The following VPS8 variants were observed in gnomAD, a reference collection of about 807,000 sequenced individuals.
VPS8 encodes VPS8 subunit of CORVET complex.
In VPS8, 129 loss-of-function variants were observed where a neutral mutation model predicts 216.4. The ratio of observed to expected loss-of-function variants is 0.60; its 90% CI spans 0.52 to 0.69. The LOEUF (loss-of-function observed/expected upper bound fraction) is 0.69, where lower values mean the gene tolerates loss of function less well. VPS8 is among the 30% of genes least tolerant of loss of function. VPS8 has a pLI of 0.00. For missense variants in VPS8, 1,531 were observed against 1,683.5 expected, an observed-to-expected ratio of 0.91 and a Z score of 1.59; for synonymous variants, 571 against 565.4, an observed-to-expected ratio of 1.01 and a Z score of -0.14.
intron 45 of VPS8, among the ~76,000 whole-genome samples, chr3:185,000,840 C>T (rs1272164446): frequency 9.2e-5 from 14 of 152,082 alleles, no homozygotes. Flanking sequence ...CTCCTGACCT[C>T]GTGATCTGCC....
At chr3:184,922,872 A>G (rs115674201) in intron 29 of VPS8, among the ~76,000 whole-genome samples, 6,465 of 152,192 alleles carry the variant, frequency 0.042, 184 homozygotes, top group Non-Finnish European at 0.063. Flanking sequence ...TAGGCTAAAG[A>G]GAAGAAATGG....
intron 29 of VPS8, among the ~76,000 whole-genome samples, chr3:184,922,720 TG>T (rs1738849950): frequency 6.6e-6 from 1 of 151,986 alleles, no homozygotes; most frequent in African/African-American, 2.4e-5. Flanking sequence ...AGGGATCCGG[TG>T]AGAGGAGGAG....
At chr3:184,913,673 C>T in intron 26 of VPS8, 112 bp downstream of exon 26, 1 of 847,652 alleles carries the variant, frequency 1.2e-6, no homozygotes, top group Non-Finnish European at 1.7e-6. Context: ...TTGCACAATT[C>T]TTTTATGTAG....
At position 184,839,641 on chromosome 3, in the gene VPS8, T is replaced by G. The variant is rs1026460264; in HGVS notation, c.481-57T>G. 186 of 1,518,018 alleles carry G rather than the reference T, an allele frequency of 1.2e-4. 4 individuals are homozygous for G. Among genetic ancestry groups the G allele is most frequent in the Middle Eastern group, 1.2e-3 (7 of 5,834 alleles). 94.0% of individuals were successfully genotyped at this position (1,518,018 alleles called of 1,614,324 possible). On this transcript the variant is annotated intron_variant, in intron 6 of 47. Coordinates refer to ENST00000625842, the MANE Select transcript of VPS8 (RefSeq NM_001009921.3). Reference sequence around the variant, plus strand: ...GGCAGGCCAACAAATTCAACTCTGATTATTTCAAGATTCTTAATGTAATGT... The same window carrying G: ...GGCAGGCCAACAAATTCAACTCTGAGTATTTCAAGATTCTTAATGTAATGT...
intron 22 of VPS8, among the ~76,000 whole-genome samples, chr3:184,891,147 A>G (rs1337729337): frequency 2.0e-5 from 3 of 152,174 alleles, no homozygotes; most frequent in Admixed American, 6.5e-5. Context: ...TGGGTGCTCT[A>G]TATGGATGAT....
At chr3:184,933,577 C>A (rs188117387) in intron 34 of VPS8, among the ~76,000 whole-genome samples, 3 of 151,650 alleles carry the variant, frequency 2.0e-5, no homozygotes, top group Admixed American at 6.6e-5. Flanking sequence ...ATCATTTCCC[C>A]CCCTCTTTAT....
chr3:184,860,238 G>A (rs1051100335), intron 15 of VPS8, among the ~76,000 whole-genome samples, 173 bp downstream of exon 15: 1 of 151,932 alleles, frequency 6.6e-6, no homozygotes, highest in South Asian at 2.1e-4. Context: ...TTGGGAGGCC[G>A]AGCTGGGATA....
At chr3:184,881,665 T>C (rs1336607793) in intron 21 of VPS8, among the ~76,000 whole-genome samples, 1 of 152,080 alleles carries the variant, frequency 6.6e-6, no homozygotes, top group Non-Finnish European at 1.5e-5. Context: ...ATCTCGTCTA[T>C]ATCTATGAAA....
intron 17 of VPS8, among the ~76,000 whole-genome samples, chr3:184,867,350 A>G (rs1727551648): frequency 6.6e-6 from 1 of 152,210 alleles, no homozygotes; most frequent in African/African-American, 2.4e-5. Flanking sequence ...GAATTGTTGG[A>G]ATAGGAACTT....
chr3:184,904,735 G>A (rs1303723163), intron 25 of VPS8, among the ~76,000 whole-genome samples: 1 of 152,174 alleles, frequency 6.6e-6, no homozygotes, highest in African/African-American at 2.4e-5. Flanking sequence ...GAGTTGGGAA[G>A]TATTCTCTCT....
chr3:184,958,285 A>C (rs1434274863), intron 37 of VPS8, among the ~76,000 whole-genome samples: 1 of 152,164 alleles, frequency 6.6e-6, no homozygotes, highest in African/African-American at 2.4e-5. Context: ...CAGTTTAGTT[A>C]AATAGTTGCA....
chr3:184,835,017 C>A, intron 5 of VPS8: 1 of 270,644 alleles, frequency 3.7e-6, no homozygotes, highest in Non-Finnish European at 6.8e-6. Flanking sequence ...TACTATTTGC[C>A]TTTTCTTTAA....
intron 34 of VPS8, among the ~76,000 whole-genome samples, chr3:184,933,805 T>A (rs1171560936): frequency 6.6e-6 from 1 of 152,184 alleles, no homozygotes; most frequent in Non-Finnish European, 1.5e-5. Flanking sequence ...GTAGTCTGTT[T>A]CTCTGGGCCT....
intron 15 of VPS8, among the ~76,000 whole-genome samples, chr3:184,862,012 G>C (rs1039080969): frequency 6.6e-5 from 10 of 152,264 alleles, no homozygotes; most frequent in Admixed American, 2.6e-4. Context: ...TCTTCCCTTA[G>C]AGTGGCTAAT....
At chr3:184,868,295 C>G in intron 18 of VPS8, 1 of 462,676 alleles carries the variant, frequency 2.2e-6, no homozygotes, top group Non-Finnish European at 3.8e-6. Context: ...TAAGATTTCT[C>G]TGTCATGTAA....
Position 184,894,839 on chromosome 3 carries a change from A to G in VPS8, c.1918A>G (p.Ile640Val). ...GITPQVMKDL[I>V]VHFQDKKLME... ...CACACCCCAAGTAATGAAAGACTTG[A>G]TTGTTCATTTCCAAGATAAAAAATT... The change falls in exon 23 of 48, where the codon ATT becomes GTT. Residue 640 changes from isoleucine to valine, a missense_variant. Ile to Val is a conservative substitution (Grantham distance 29, BLOSUM62 3). Around this residue, in one of 3 missense-constraint regions of VPS8, gnomAD observed 1,318 missense variants for 1,468.4 expected, o/e 0.90. Transcript: ENST00000625842. The G allele has an allele frequency of 6.2e-7, 1 of 1,610,590 alleles. No individual in the cohort carries two copies. Among genetic ancestry groups the G allele is most frequent in the Non-Finnish European group, 8.5e-7 (1 of 1,178,236 alleles).
chr3:184,957,548 A>T (rs1745821162), intron 37 of VPS8, 27 bp downstream of exon 37: 3 of 1,590,470 alleles, frequency 1.9e-6, no homozygotes, highest in Non-Finnish European at 2.6e-6. Flanking sequence ...AAAAGAGACA[A>T]GAGTAAACTC....
intron 36 of VPS8, among the ~76,000 whole-genome samples, chr3:184,954,414 C>T (rs1745229011): frequency 6.6e-6 from 1 of 152,132 alleles, no homozygotes. Context: ...ACTGAAAGTT[C>T]CAGCTCTCTA....
intron 37 of VPS8, among the ~76,000 whole-genome samples, chr3:184,963,221 C>T (rs971138819): frequency 6.6e-6 from 1 of 152,086 alleles, no homozygotes; most frequent in Non-Finnish European, 1.5e-5. Context: ...TTAAAAGATA[C>T]AAACTCTCTG....
Sources: gnomAD v4.1 joint callset for allele counts (sites outside exome capture counted in the v4.1 genomes callset) on GRCh38, gnomAD v4.1.1 for gene constraint, gnomAD v4.1.1 regional missense constraint, MANE v1.5 for transcripts, NCBI Gene and HGNC (gene_info 2026-07-23, HGNC 2026-07-21) for gene names.